The following TBATA variants were observed in gnomAD, a reference collection of about 807,000 sequenced individuals.
TBATA encodes the protein thymus, brain and testes associated.
Under a neutral mutation model 38.7 loss-of-function variants are expected in TBATA, and 47 were observed. That is an observed-to-expected ratio of 1.21 (90% CI 0.96 to 1.55). TBATA has a LOEUF of 1.55. Ranked by LOEUF, TBATA falls within the 40% of genes most tolerant of loss-of-function variation. The pLI is 0.00. For synonymous variants in TBATA, 183 were observed against 170.5 expected (o/e 1.07, Z -0.57); for missense variants, 436 against 435.6 (o/e 1.00, Z -0.01).
chr10:70,780,587 T>TCA (rs1411058137), intron 4 of TBATA, among the ~76,000 whole-genome samples: 1 of 152,078 alleles, frequency 6.6e-6, no homozygotes, highest in African/African-American at 2.4e-5. Flanking sequence ...CGAATGGCTC[T>TCA]CACGTCTGTG....
At chr10:70,776,216 AG>A (rs950540715) in intron 7 of TBATA, 30 of 390,952 alleles carry the variant, frequency 7.7e-5, no homozygotes, top group Admixed American at 3.2e-4. Context: ...GCCTCTCCCC[AG>A]GCCTCTGCCT....
chr10:70,782,497 T>G, intron 3 of TBATA: 6 of 1,284,430 alleles, frequency 4.7e-6, no homozygotes, highest in Non-Finnish European at 6.1e-6. Flanking sequence ...CCCCATGCAC[T>G]CAGGAGTAGT....
intron 5 of TBATA, 40 bp from the exon 6 acceptor site, chr10:70,778,676 G>C: frequency 6.3e-7 from 1 of 1,583,176 alleles, no homozygotes; most frequent in Non-Finnish European, 8.7e-7. Context: ...TGAAGTCAGG[G>C]GCCCTCCTCC....
intron 3 of TBATA, chr10:70,782,501 G>A (rs868179452): frequency 1.6e-6 from 2 of 1,284,208 alleles, no homozygotes; most frequent in South Asian, 1.2e-5. Context: ...ATGCACTCAG[G>A]AGTAGTCTTG....
intron 6 of TBATA, 66 bp from the exon 7 acceptor site, chr10:70,777,404 G>A (rs1425664345): frequency 6.8e-7 from 1 of 1,476,626 alleles, no homozygotes. Context: ...CTGAGGGGAG[G>A]AGAGGAGCAG....
chr10:70,784,580 T>C (rs1210273401), intron 2 of TBATA, 67 bp downstream of exon 2: 2 of 152,136 alleles, frequency 1.3e-5, no homozygotes, highest in East Asian at 3.9e-4. Context: ...TTGTCTGAGA[T>C]CAGGGAAGCA....
At chr10:70,782,589 C>T (rs1333251004) in intron 3 of TBATA, 2 of 985,320 alleles carry the variant, frequency 2.0e-6, no homozygotes, top group South Asian at 4.7e-5. Context: ...CATGGGGGTC[C>T]CTCCTAGGAG....
chr10:70,775,194 G>T lies in TBATA; in HGVS notation c.770C>A (p.Pro257His). 6.2e-7 allele frequency: 1 copy of T among 1,613,868 alleles called. No individual in the cohort carries two copies. Among genetic ancestry groups the T allele is most frequent in the African/African-American group, 1.3e-5 (1 of 75,050 alleles). The change falls in exon 8 of 11, where the codon CCC (proline) becomes CAC (histidine). Residue 257 changes from proline (P) to histidine (H), a missense_variant. Pro to His is a moderately conservative substitution (Grantham distance 77). Transcript: ENST00000456372. ...CTGCGGGGCTGTGTCCTCACCCTTG[G>T]GCGGAGCGTAGAGCAGCCAGAACTG... ...AIQFWLLYAP[P>H]KEKDLALGLL...
chr10:70,778,782 A>T, intron 5 of TBATA, 146 bp from the exon 6 acceptor site: 5 of 657,908 alleles, frequency 7.6e-6, no homozygotes, highest in African/African-American at 1.8e-5. Context: ...GGTGCCCTGG[A>T]GGGAGAAGGA....
At chr10:70,775,948 G>A (rs1343927591) in intron 7 of TBATA, among the ~76,000 whole-genome samples, 2 of 152,182 alleles carry the variant, frequency 1.3e-5, no homozygotes, top group African/African-American at 2.4e-5. Context: ...TTTCCCCTGC[G>A]TTCTCCAGTC....
intron 6 of TBATA, chr10:70,777,876 A>G (rs1354664104): frequency 2.3e-6 from 1 of 433,300 alleles, no homozygotes; most frequent in South Asian, 1.7e-5. Flanking sequence ...CATTTTAAAG[A>G]TAAGAAAACA....
intron 3 of TBATA, chr10:70,782,580 A>G (rs1399623009): frequency 2.0e-6 from 2 of 985,320 alleles, no homozygotes; most frequent in Non-Finnish European, 2.4e-6. Context: ...TTCTGTTCCC[A>G]TGGGGGTCCC....
intron 5 of TBATA, among the ~76,000 whole-genome samples, chr10:70,779,114 C>G (rs1247579491): frequency 6.6e-6 from 1 of 152,214 alleles, no homozygotes; most frequent in African/African-American, 2.4e-5. Context: ...CAGCCCCAGC[C>G]CCTTCTCCAG....
rs769286821 is a variant in TBATA, at chr10:70,771,337, G to A, written c.*39C>T. The A allele has an allele frequency of 1.2e-6, 2 of 1,614,038 alleles. No individual in the cohort carries two copies. Among genetic ancestry groups the A allele is most frequent in the Non-Finnish European group, 1.7e-6 (2 of 1,179,928 alleles). ...ACAGAAACACCCCTGAACCCTTGGG[G>A]CTGCTCTTGAGCAAGGCAGGTGCAA... On this transcript the variant is annotated 3_prime_UTR_variant, in exon 11 of 11. Transcript: ENST00000456372.
chr10:70,774,290 G>A lies in TBATA; in HGVS notation c.843C>T (p.Ser281=). 1.2e-6 allele frequency: 2 copies of A among 1,610,028 alleles called. No individual in the cohort carries two copies. The highest frequency in any genetic ancestry group is 1.7e-6 in the Non-Finnish European group (2 of 1,178,816). The change falls in exon 9 of 11, where the codon TCC becomes TCT. Residue 281 remains serine (S), a synonymous_variant. Coordinates refer to ENST00000456372, the MANE Select transcript of TBATA (RefSeq NM_001318241.2). ...VAQLLPQPLV[S]IPTEKLLSQL... is the part of the protein sequence containing the mutation. ...GGCTTAGGAGCTTTTCTGTAGGGAT[G>A]GAGACTAGGGGCTGGGGAAGGAGCT...
chr10:70,773,468 C>CCCT (rs1554826515), intron 9 of TBATA, among the ~76,000 whole-genome samples: 1 of 151,538 alleles, frequency 6.6e-6, no homozygotes, highest in Non-Finnish European at 1.5e-5. Context: ...AATACAGGCC[C>CCCT]CCCCGGCTTC....
At chr10:70,773,532 C>A (rs1026563760) in intron 9 of TBATA, among the ~76,000 whole-genome samples, 1 of 152,182 alleles carries the variant, frequency 6.6e-6, no homozygotes, top group South Asian at 2.1e-4. Flanking sequence ...AACAAGCTCC[C>A]GGGGAGAATC....
At chr10:70,777,079 G>A (rs940956786) in intron 7 of TBATA, 74 bp downstream of exon 7, 3 of 1,490,602 alleles carry the variant, frequency 2.0e-6, no homozygotes, top group Non-Finnish European at 2.7e-6. Flanking sequence ...CCTGGGAGGG[G>A]CCTTGCCCTA....
At chr10:70,783,305 C>G in intron 3 of TBATA, 34 bp downstream of exon 3, 1 of 1,613,762 alleles carries the variant, frequency 6.2e-7, no homozygotes, top group Non-Finnish European at 8.5e-7. Context: ...CCCAAGCCCT[C>G]CTCAGTCAGC....
Sources: gnomAD v4.1 joint callset for allele counts (sites outside exome capture counted in the v4.1 genomes callset) on GRCh38, gnomAD v4.1.1 for gene constraint, MANE v1.5 for transcripts, NCBI Gene and HGNC (gene_info 2026-07-23, HGNC 2026-07-21) for gene names.